SH3RF3: variants seen among roughly 807,000 people sequenced by gnomAD.
SH3RF3 encodes the protein E3 ubiquitin-protein ligase SH3RF3.
A neutral mutation model predicts 66.3 loss-of-function variants in SH3RF3; 29 were observed. That is an observed-to-expected ratio of 0.44 (90% CI 0.33 to 0.60). SH3RF3 has a LOEUF of 0.60. Among genes scored for constraint, SH3RF3 ranks in the 20% least tolerant of loss-of-function variants. The pLI, the probability that SH3RF3 is intolerant of heterozygous loss-of-function variation, is 0.04. For synonymous variants in SH3RF3, 583 were observed against 532.0 expected (o/e 1.10, Z -1.32); for missense variants, 1,194 against 1,190.9 (o/e 1.00, Z -0.04).
chr2:109,172,127 C>T (rs1439975368), intron 1 of SH3RF3, among the ~76,000 whole-genome samples: 3 of 152,172 alleles, frequency 2.0e-5, no homozygotes, highest in Non-Finnish European at 4.4e-5. Context: ...TGGGGCAGAG[C>T]GGGTGGGGAG....
chr2:109,497,539 A>G (rs560361700), intron 9 of SH3RF3, among the ~76,000 whole-genome samples: 5 of 152,380 alleles, frequency 3.3e-5, no homozygotes, highest in Non-Finnish European at 7.3e-5. Flanking sequence ...TCAGCAGGGC[A>G]GAGTTGCTTG....
chr2:109,300,380 A>G (rs1430899911), intron 1 of SH3RF3, among the ~76,000 whole-genome samples: 1 of 152,062 alleles, frequency 6.6e-6, no homozygotes, highest in African/African-American at 2.4e-5. Flanking sequence ...GGGTTTCACC[A>G]CGTTGGTCAG....
intron 1 of SH3RF3, among the ~76,000 whole-genome samples, chr2:109,258,483 A>C (rs1410253540): frequency 2.6e-5 from 4 of 152,186 alleles, no homozygotes; most frequent in African/African-American, 9.7e-5. Flanking sequence ...CACACCTACC[A>C]GGGCCAATCC....
chr2:109,481,034 C>T (rs1459862137), intron 8 of SH3RF3, among the ~76,000 whole-genome samples: 2 of 152,150 alleles, frequency 1.3e-5, no homozygotes, highest in African/African-American at 2.4e-5. Context: ...AAGAGGACAC[C>T]GATAGGGAAA....
chr2:109,363,725 C>G (rs1232104131), intron 2 of SH3RF3, among the ~76,000 whole-genome samples: 4 of 152,128 alleles, frequency 2.6e-5, no homozygotes, highest in Non-Finnish European at 5.9e-5. Flanking sequence ...AGGATAATTT[C>G]ACAGGTACAG....
At chr2:109,447,167 A>C (rs1432956150) in intron 7 of SH3RF3, among the ~76,000 whole-genome samples, 3 of 148,670 alleles carry the variant, frequency 2.0e-5, no homozygotes, top group Non-Finnish European at 1.5e-5. Flanking sequence ...AAAAAAAAAA[A>C]AGAAAAGAAA....
chr2:109,242,015 G>A (rs1355943397), intron 1 of SH3RF3, among the ~76,000 whole-genome samples: 1 of 151,968 alleles, frequency 6.6e-6, no homozygotes, highest in African/African-American at 2.4e-5. Context: ...TGGGAAAGAG[G>A]ATTCCCTTTC....
chr2:109,152,730 G>C (rs557819712), intron 1 of SH3RF3, among the ~76,000 whole-genome samples: 11 of 152,172 alleles, frequency 7.2e-5, no homozygotes, highest in Non-Finnish European at 1.5e-4. Flanking sequence ...GTTCCAACTT[G>C]AGTAGGCATG....
intron 9 of SH3RF3, among the ~76,000 whole-genome samples, chr2:109,498,761 G>A (rs1168248771): frequency 6.6e-6 from 1 of 152,242 alleles, no homozygotes; most frequent in African/African-American, 2.4e-5. Flanking sequence ...GATGGGGCTT[G>A]CAGACTGGTG....
At chr2:109,487,242 T>A (rs1679007304) in intron 8 of SH3RF3, among the ~76,000 whole-genome samples, 2 of 152,304 alleles carry the variant, frequency 1.3e-5, no homozygotes, top group South Asian at 4.1e-4. Flanking sequence ...CCTCTTCTCC[T>A]CCCACGGTGT....
In SH3RF3 at chr2:109,297,081, G is replaced by T. The variant is rs142093653; in HGVS notation, c.574-50593G>T. The stretch of plus-strand genomic sequence containing the variant: ...CTAGACTGCAGCTGTTGGTCCAGGT[G>T]GGGGGTGACCGGGATGGGAAGCCCA... On this transcript the variant is annotated intron_variant, in intron 1 of 9. Coordinates refer to ENST00000309415, the MANE Select transcript of SH3RF3 (RefSeq NM_001099289.3). Among the ~76,000 whole-genome samples the T allele has an allele frequency of 4.7e-3, 712 of 152,158 alleles. 6 individuals carry two copies. Among genetic ancestry groups the T allele is most frequent in the African/African-American group, 0.016 (678 of 41,492 alleles).
chr2:109,298,652 C>T (rs1681384813), intron 1 of SH3RF3, among the ~76,000 whole-genome samples: 2 of 152,238 alleles, frequency 1.3e-5, no homozygotes, highest in African/African-American at 4.8e-5. Flanking sequence ...ACACCCGTTC[C>T]GTGCTCCCTC....
At chr2:109,297,524 T>G (rs945243943) in intron 1 of SH3RF3, among the ~76,000 whole-genome samples, 2 of 150,196 alleles carry the variant, frequency 1.3e-5, no homozygotes, top group Non-Finnish European at 3.0e-5. Context: ...AGTCAGTGCC[T>G]CCCACCCAGG....
At chr2:109,458,486 C>A (rs1434788548) in intron 8 of SH3RF3, among the ~76,000 whole-genome samples, 1 of 151,306 alleles carries the variant, frequency 6.6e-6, no homozygotes, top group Non-Finnish European at 1.5e-5. Context: ...GGAATAATGT[C>A]TTTTTGTACT....
At chr2:109,230,705 A>G (rs1425566540) in intron 1 of SH3RF3, among the ~76,000 whole-genome samples, 2 of 152,246 alleles carry the variant, frequency 1.3e-5, no homozygotes, top group African/African-American at 2.4e-5. Flanking sequence ...ATCATCAGCT[A>G]TGTCACCAGC....
At chr2:109,499,564 G>A (rs1679337236) in intron 9 of SH3RF3, among the ~76,000 whole-genome samples, 1 of 152,218 alleles carries the variant, frequency 6.6e-6, no homozygotes, top group South Asian at 2.1e-4. Flanking sequence ...GGCAGAGGGA[G>A]GCCCAGCTAG....
chr2:109,475,701 G>A (rs1678664470), intron 8 of SH3RF3, among the ~76,000 whole-genome samples: 1 of 152,228 alleles, frequency 6.6e-6, no homozygotes, highest in South Asian at 2.1e-4. Context: ...CCAGTAGCAC[G>A]CTGCTGCACC....
intron 9 of SH3RF3, among the ~76,000 whole-genome samples, chr2:109,498,337 G>A (rs1300789572): frequency 6.6e-6 from 1 of 152,152 alleles, no homozygotes; most frequent in Admixed American, 6.5e-5. Context: ...GCACCCCCAA[G>A]TCAGCCTCAG....
rs747294844 is a variant in SH3RF3 at position 109,437,135 on chromosome 2, C to T, written c.1817C>T (p.Thr606Ile). The T allele has an allele frequency of 6.2e-7, 1 of 1,610,536 alleles. No individual in the cohort carries two copies. Among genetic ancestry groups the T allele is most frequent in the Non-Finnish European group, 8.5e-7 (1 of 1,177,726 alleles). The change falls in exon 7 of 10, where the codon ACC becomes ATC. Residue 606 changes from threonine to isoleucine, a missense_variant. Coordinates refer to ENST00000309415, the MANE Select transcript of SH3RF3 (RefSeq NM_001099289.3). ...AQPTASQARS[T>I]ISTAAHSAAQ... ...CCAACGGCCAGCCAAGCCCGGAGCACCATTTCAACAGGTACCTTCACAGGG... is the reference window on the plus strand; with the variant it reads ...CCAACGGCCAGCCAAGCCCGGAGCATCATTTCAACAGGTACCTTCACAGGG...
Sources: allele counts gnomAD v4.1 joint callset (sites outside exome capture counted in the v4.1 genomes callset), GRCh38; gene constraint gnomAD v4.1.1; transcripts MANE v1.5; gene names NCBI Gene and HGNC (gene_info 2026-07-23, HGNC 2026-07-21).